The following CHPT1 variants were observed in gnomAD, a reference collection of about 807,000 sequenced individuals.
CHPT1 encodes choline phosphotransferase 1, also known as cholinephosphotransferase 1.
A neutral mutation model predicts 47.6 loss-of-function variants in CHPT1; 36 were observed. That is an observed-to-expected ratio of 0.76 (90% CI 0.58 to 1.00). The LOEUF (loss-of-function observed/expected upper bound fraction) is 1.00. Among genes scored for constraint, CHPT1 ranks in the 50% least tolerant of loss-of-function variants. The probability of loss-of-function intolerance (pLI) is 0.00; values close to 1 mark genes in which losing one functional copy is unlikely to be tolerated. For missense variants in CHPT1, 458 were observed against 498.1 expected (o/e 0.92, Z 0.77); for synonymous variants, 194 against 186.3 (o/e 1.04, Z -0.33).
intron 5 of CHPT1, among the ~76,000 whole-genome samples, chr12:101,721,130 A>C (rs1190475553): frequency 6.6e-6 from 1 of 152,138 alleles, no homozygotes; most frequent in Non-Finnish European, 1.5e-5. Flanking sequence ...AAAAATACAA[A>C]AAAATTAGCT....
chr12:101,719,599 T>TCA, intron 4 of CHPT1: 1 of 957,580 alleles, frequency 1.0e-6, no homozygotes, highest in Non-Finnish European at 1.4e-6. Context: ...ATTTGTTACA[T>TCA]TTATGATGCA....
At chr12:101,720,374 G>T (rs1425595962) in intron 5 of CHPT1, 120 bp downstream of exon 5, 4 of 866,372 alleles carry the variant, frequency 4.6e-6, no homozygotes, top group African/African-American at 3.5e-5. Context: ...GTATCTTAAA[G>T]AATTCATTTT....
chr12:101,714,209 T>G lies in CHPT1; in HGVS notation c.393T>G (p.Phe131Leu), dbSNP rs774346007. ...CTTGTTCCCCTTTAGGGGAGCTCTT[T>G]GACCATGGCTGTGACTCTCTTTCCA... Reference protein sequence around the residue: ...TNSCSPLGELFDHGCDSLSTV... With the variant: ...TNSCSPLGELLDHGCDSLSTV... Residue 131 changes from phenylalanine (F) to leucine (L), a missense_variant, in exon 2 of 9, where the codon TTT (phenylalanine) becomes TTG (leucine). Transcript: ENST00000229266. The G allele has an allele frequency of 1.2e-6, 2 of 1,605,470 alleles. No homozygotes were observed. Among genetic ancestry groups the G allele is most frequent in the Non-Finnish European group, 1.7e-6 (2 of 1,177,242 alleles).
intron 1 of CHPT1, among the ~76,000 whole-genome samples, chr12:101,712,068 G>T (rs1426865885): frequency 6.7e-6 from 1 of 148,448 alleles, no homozygotes; most frequent in Non-Finnish European, 1.5e-5. Flanking sequence ...TGTCACCCAG[G>T]CTGGAGTACA....
At chr12:101,714,307 T>C (rs1951733790) in intron 2 of CHPT1, 70 bp downstream of exon 2, 1 of 1,387,962 alleles carries the variant, frequency 7.2e-7, no homozygotes, top group Non-Finnish European at 9.8e-7. Context: ...GTTTGGTCAG[T>C]TTTTTGGATG....
At chr12:101,698,530 C>T (rs1951500202) in intron 1 of CHPT1, among the ~76,000 whole-genome samples, 1 of 152,240 alleles carries the variant, frequency 6.6e-6, no homozygotes, top group Non-Finnish European at 1.5e-5. Flanking sequence ...TCCGTCCTGC[C>T]TGGCACAGGG....
chr12:101,718,576 A>G (rs1198343507), intron 4 of CHPT1, among the ~76,000 whole-genome samples: 8 of 150,852 alleles, frequency 5.3e-5, no homozygotes, highest in Non-Finnish European at 7.4e-5. Flanking sequence ...AGGAGGGTCA[A>G]CTGAACCCAG....
chr12:101,728,722 C>T lies in CHPT1; in HGVS notation c.1177-179C>T, dbSNP rs17723833. ...ACTATCATTACTAAAGAGCTGAAAG[C>T]TTAATACATATTCTTTAGGAATAGT... On this transcript the variant is annotated intron_variant, in intron 8 of 8. Transcript: ENST00000229266. The T allele has an allele frequency of 0.021, 13,588 of 649,690 alleles. 247 individuals are homozygous for T. The highest frequency in any genetic ancestry group is 0.08 in the Admixed American group (2,586 of 32,484). The allele number at this position is 649,690 out of a possible 1,614,324, so 40.2% of individuals were successfully genotyped here.
intron 7 of CHPT1, 77 bp from the exon 8 acceptor site, chr12:101,726,216 TG>T: frequency 1.1e-6 from 1 of 930,258 alleles, no homozygotes. Flanking sequence ...GTTTGATATT[TG>T]GGGGAGAAAC....
chr12:101,698,925 A>G (rs1458553267), intron 1 of CHPT1, among the ~76,000 whole-genome samples: 1 of 152,248 alleles, frequency 6.6e-6, no homozygotes, highest in Admixed American at 6.5e-5. Flanking sequence ...GATAAATATT[A>G]CATTGCACAT....
chr12:101,706,967 G>A (rs763855000), intron 1 of CHPT1, among the ~76,000 whole-genome samples: 4 of 152,166 alleles, frequency 2.6e-5, no homozygotes, highest in Non-Finnish European at 4.4e-5. Flanking sequence ...CCTTATATTT[G>A]TATACCTGAG....
At position 101,723,821 on chromosome 12, in the gene CHPT1, G is replaced by A. The variant is rs115007859; in HGVS notation, c.1039G>A (p.Glu347Lys). The A allele has an allele frequency of 9.4e-5, 143 of 1,523,988 alleles. 1 individual carries two copies. In the East Asian group the frequency reaches 2.9e-3, roughly 31 times the overall value. The allele number at this position is 1,523,988 out of a possible 1,614,324, so 94.4% of individuals were successfully genotyped here. ...LDQYFNNFID[E>K]YVVLWMAMVI... ...CCAGTACTTTAATAACTTTATAGACGAATATGTTGTTCTATGGATGGCAAT... is the reference window on the plus strand; with the variant it reads ...CCAGTACTTTAATAACTTTATAGACAAATATGTTGTTCTATGGATGGCAAT... The change falls in exon 7 of 9, where the codon GAA becomes AAA. Residue 347 changes from glutamate (E) to lysine (K), a missense_variant. By Grantham distance (56) the Glu-to-Lys change is moderately conservative. Coordinates refer to ENST00000229266, the MANE Select transcript of CHPT1 (RefSeq NM_020244.3).
In CHPT1 at chr12:101,707,409, C is replaced by A. The variant is rs75297644; in HGVS notation, c.274-6681C>A. 3.3e-3 allele frequency among the ~76,000 whole-genome samples: 497 copies of A among 152,276 alleles called. 2 individuals are homozygous for A. The highest frequency in any genetic ancestry group is 0.01 in the African/African-American group (424 of 41,548). ...TTTAGGAGTGGCCAGAAGAGCTGTT[C>A]CTAAACTCATGTGCTCCTTGGTGTG... On this transcript the variant is annotated intron_variant, in intron 1 of 8. Transcript: ENST00000229266.
chr12:101,726,869 TG>T (rs1951956793), intron 8 of CHPT1: 1 of 157,458 alleles, frequency 6.4e-6, no homozygotes, highest in Non-Finnish European at 1.4e-5. Context: ...ATGTAATTAT[TG>T]AATCAAGTTA....
chr12:101,697,827 G>A lies in CHPT1; in HGVS notation c.-35G>A, dbSNP rs1566032806. The A allele has an allele frequency of 2.5e-5, 22 of 892,186 alleles. No homozygotes were observed. The highest frequency in any genetic ancestry group is 2.9e-5 in the Non-Finnish European group (21 of 731,120). The allele number at this position is 892,186 out of a possible 1,614,324, so 55.3% of individuals were successfully genotyped here. The stretch of plus-strand genomic sequence containing the variant: ...CTGCCCCCAGCGCCAGGCGCGGGCT[G>A]CGCTCGGTGGCGGCGGCGGGGCCCT... On this transcript the variant is annotated 5_prime_UTR_variant, in exon 1 of 9. Coordinates refer to ENST00000229266, the MANE Select transcript of CHPT1 (RefSeq NM_020244.3).
rs770801766 is a variant in CHPT1, at chr12:101,726,326, T to G, written c.1098T>G (p.Phe366Leu). Reference sequence around the variant, plus strand: ...CTTCATTTGATATGGTGATATACTTTAGTGCTTTGTGCCTGCAAATTTCAA... The same window carrying G: ...CTTCATTTGATATGGTGATATACTTGAGTGCTTTGTGCCTGCAAATTTCAA... ...VISSFDMVIY[F>L]SALCLQISRH... The change falls in exon 8 of 9, where the codon TTT (phenylalanine) becomes TTG (leucine). Residue 366 changes from phenylalanine (F) to leucine (L), a missense_variant. Coordinates refer to ENST00000229266, the MANE Select transcript of CHPT1 (RefSeq NM_020244.3). 3.1e-6 allele frequency: 5 copies of G among 1,612,406 alleles called. No individual in the cohort carries two copies. The highest frequency in any genetic ancestry group is 4.2e-6 in the Non-Finnish European group (5 of 1,178,760).
chr12:101,698,178 G>A (rs1951493117), intron 1 of CHPT1, 44 bp downstream of exon 1: 1 of 1,385,226 alleles, frequency 7.2e-7, no homozygotes, highest in East Asian at 3.0e-5. Context: ...GATGCGCTGC[G>A]GGCGGGTCGC....
rs1330608510 is a variant in CHPT1 at position 101,714,623 on chromosome 12, T to C, written c.541T>C (p.Ser181Pro). 2 of 1,605,902 alleles carry C rather than the reference T, an allele frequency of 1.2e-6. No homozygotes were observed. The highest frequency in any genetic ancestry group is 1.7e-6 in the Non-Finnish European group (2 of 1,177,420). Residue 181 changes from serine to proline, a missense_variant, in exon 3 of 9, where the codon TCA becomes CCA. Physicochemically the swap from Ser to Pro is moderately conservative, Grantham distance 74 (BLOSUM62 -1). Transcript: ENST00000229266. ...TTGCGCTCATTGGCAGACTTATGTT[T>C]CAGGCATGTTGAGATTTGGAAAGTA... ...FYCAHWQTYV[S>P]GMLRFGKVDV...
At chr12:101,702,131 A>G (rs886992320) in intron 1 of CHPT1, among the ~76,000 whole-genome samples, 5 of 152,202 alleles carry the variant, frequency 3.3e-5, no homozygotes, top group African/African-American at 1.2e-4. Flanking sequence ...TAACTCCTAC[A>G]TTTATATATG....
Sources: gnomAD v4.1 joint callset for allele counts (sites outside exome capture counted in the v4.1 genomes callset) on GRCh38, gnomAD v4.1.1 for gene constraint, MANE v1.5 for transcripts, NCBI Gene and HGNC (gene_info 2026-07-23, HGNC 2026-07-21) for gene names.